Variants in SPATA3 observed in about 807,000 individuals in gnomAD.
SPATA3 encodes the protein spermatogenesis associated 3.
In SPATA3, 6 loss-of-function variants were observed where a neutral mutation model predicts 5.7. That is an observed-to-expected ratio of 1.06 (90% confidence interval 0.58 to 2.09). SPATA3 has a LOEUF of 2.09. Ranked by LOEUF, SPATA3 falls within the 30% of genes most tolerant of loss-of-function variation. The pLI, the probability that SPATA3 is intolerant of heterozygous loss-of-function variation, is 0.00. For missense variants in SPATA3, 155 were observed against 130.4 expected, an observed-to-expected ratio of 1.19 and a Z score of -0.92; for synonymous variants, 44 against 48.4, an observed-to-expected ratio of 0.91 and a Z score of 0.37.
chr2:230,998,819 G>GT (rs1345324965), intron 1 of SPATA3, among the ~76,000 whole-genome samples: 1 of 152,222 alleles, frequency 6.6e-6, no homozygotes, highest in Non-Finnish European at 1.5e-5. Context: ...CAGTCTGGTG[G>GT]TTCCTCAGAG....
At chr2:230,999,724 G>A (rs962425587) in intron 1 of SPATA3, 2 of 169,144 alleles carry the variant, frequency 1.2e-5, no homozygotes, top group Admixed American at 1.3e-4. Flanking sequence ...CTAGAGCTGT[G>A]GTTGTCTTCT....
downstream of SPATA3, among the ~76,000 whole-genome samples, chr2:231,012,200 C>T (rs994107028): frequency 9.8e-5 from 15 of 152,310 alleles, no homozygotes; most frequent in African/African-American, 3.6e-4. Context: ...CAGGCTCAGA[C>T]TCCTCCAGGA....
chr2:230,996,140 G>A, intron 1 of SPATA3: 1 of 1,361,694 alleles, frequency 7.3e-7, no homozygotes. Flanking sequence ...CCCAAGCCAG[G>A]CTCCTAGGGC....
chr2:231,002,462 A>G (rs11687462), intron 2 of SPATA3, among the ~76,000 whole-genome samples: 55,136 of 151,962 alleles, frequency 0.36, 10,166 homozygotes, highest in South Asian at 0.46. Context: ...CAGGGCAGCT[A>G]GCATCCCAGG....
chr2:231,004,270 T>C (rs1456365792), downstream of SPATA3, among the ~76,000 whole-genome samples: 1 of 152,106 alleles, frequency 6.6e-6, no homozygotes, highest in Non-Finnish European at 1.5e-5. Flanking sequence ...CATCTGTAAA[T>C]AGGGAAAATG....
downstream of SPATA3, among the ~76,000 whole-genome samples, chr2:231,011,765 C>A (rs1405240609): frequency 6.6e-6 from 1 of 152,336 alleles, no homozygotes; most frequent in South Asian, 2.1e-4. Flanking sequence ...GCCCCAGGCT[C>A]AGGGCCATGT....
intron 6 of SPATA3, among the ~76,000 whole-genome samples, chr2:231,016,495 C>T (rs1017491503): frequency 2.4e-5 from 3 of 127,632 alleles, no homozygotes; most frequent in East Asian, 2.1e-4. Context: ...CATGGTGAAA[C>T]CCTGTCTCTA....
At chr2:231,006,358 C>G (rs1180377163), downstream of SPATA3, among the ~76,000 whole-genome samples, 1 of 151,160 alleles carries the variant, frequency 6.6e-6, no homozygotes, top group African/African-American at 2.4e-5. Context: ...AAAAAAATAG[C>G]CGGGCGTGGT....
chr2:231,005,340 CCAT>C (rs1692553446), downstream of SPATA3, among the ~76,000 whole-genome samples: 3 of 52,724 alleles, frequency 5.7e-5, no homozygotes, highest in Non-Finnish European at 9.3e-5. Flanking sequence ...ATCACCATCA[CCAT>C]CATCACCATC....
chr2:231,005,565 C>T (rs796656057), downstream of SPATA3, among the ~76,000 whole-genome samples: 4 of 90,948 alleles, frequency 4.4e-5, no homozygotes, highest in Non-Finnish European at 9.4e-5. Flanking sequence ...ACCATCATCA[C>T]CATCATCATC....
downstream of SPATA3, among the ~76,000 whole-genome samples, chr2:231,006,463 A>G (rs2125113401): frequency 6.6e-6 from 1 of 152,020 alleles, no homozygotes; most frequent in East Asian, 1.9e-4. Flanking sequence ...AGATCGCACC[A>G]TTGCACTCCA....
intron 2 of SPATA3, among the ~76,000 whole-genome samples, chr2:231,001,893 C>A (rs1388384076): frequency 1.3e-5 from 2 of 152,144 alleles, no homozygotes; most frequent in African/African-American, 4.8e-5. Flanking sequence ...GGAACAGGCT[C>A]CAACAGGAAC....
chr2:230,996,234 A>G, intron 1 of SPATA3: 2 of 1,549,976 alleles, frequency 1.3e-6, no homozygotes, highest in Non-Finnish European at 1.7e-6. Context: ...AGGATCTACC[A>G]TGAAGAAGGT....
chr2:231,011,167 C>T (rs1000562858), downstream of SPATA3, among the ~76,000 whole-genome samples: 1 of 151,666 alleles, frequency 6.6e-6, no homozygotes, highest in Non-Finnish European at 1.5e-5. Flanking sequence ...CTTGCTCTGT[C>T]GCCCAGGCTC....
At chr2:231,010,948 C>T (rs1692766034), downstream of SPATA3, among the ~76,000 whole-genome samples, 1 of 149,776 alleles carries the variant, frequency 6.7e-6, no homozygotes, top group South Asian at 2.1e-4. Flanking sequence ...AAATTAGCAC[C>T]TGTAGTCCCA....
chr2:231,001,880 A>G (rs149852032), intron 2 of SPATA3, among the ~76,000 whole-genome samples: 112 of 152,296 alleles, frequency 7.4e-4, no homozygotes, highest in Middle Eastern at 3.4e-3. Context: ...AAAGGTTCCA[A>G]CAGGAACAGG....
downstream of SPATA3, among the ~76,000 whole-genome samples, chr2:231,008,320 G>A (rs754362488): frequency 1.5e-4 from 23 of 152,206 alleles, no homozygotes; most frequent in Non-Finnish European, 2.6e-4. Flanking sequence ...GAGTCAGCCC[G>A]CATGCACTGG....
intron 1 of SPATA3, among the ~76,000 whole-genome samples, chr2:230,998,116 A>T (rs1292528628): frequency 6.6e-6 from 1 of 152,160 alleles, no homozygotes; most frequent in African/African-American, 2.4e-5. Context: ...CATCTCCTGG[A>T]TCTGCCATGA....
At chr2:231,015,938 TAAC>T (rs947455300) in intron 6 of SPATA3, among the ~76,000 whole-genome samples, 21 of 152,316 alleles carry the variant, frequency 1.4e-4, no homozygotes, top group African/African-American at 5.1e-4. Context: ...TCCTTAAAAA[TAAC>T]ATTTGCATTT....
Sources: allele counts gnomAD v4.1 joint callset (sites outside exome capture counted in the v4.1 genomes callset), GRCh38; gene constraint gnomAD v4.1.1; transcripts MANE v1.5; gene names NCBI Gene and HGNC (gene_info 2026-07-23, HGNC 2026-07-21).